Variants in RHOBTB1 observed in about 807,000 individuals in gnomAD.
RHOBTB1 encodes rho-related BTB domain-containing protein 1.
RHOBTB1 carries 40 observed loss-of-function variants against 71.6 expected under a neutral mutation model. The observed-to-expected ratio is 0.56, with a 90% CI of 0.43 to 0.73. The LOEUF (loss-of-function observed/expected upper bound fraction) is 0.73, where lower values mean the gene tolerates loss of function less well. RHOBTB1 is among the 30% of genes least tolerant of loss of function. RHOBTB1 has a pLI of 0.00. For synonymous variants in RHOBTB1, 319 were observed against 334.9 expected, an observed-to-expected ratio of 0.95 and a Z score of 0.52; for missense variants, 797 against 894.0, an observed-to-expected ratio of 0.89 and a Z score of 1.38.
At chr10:60,921,842 C>T (rs1225869151) in intron 2 of RHOBTB1, among the ~76,000 whole-genome samples, 2 of 152,128 alleles carry the variant, frequency 1.3e-5, no homozygotes, top group Admixed American at 6.5e-5. Flanking sequence ...TGTGGCCCAT[C>T]ACAAGAGCAG....
intron 7 of RHOBTB1, among the ~76,000 whole-genome samples, chr10:60,879,147 A>G (rs2132346987): frequency 6.6e-6 from 1 of 152,304 alleles, no homozygotes; most frequent in South Asian, 2.1e-4. Context: ...TCACAGAGCT[A>G]GGAAGTAGTG....
At chr10:60,899,466 T>C (rs1458101399) in intron 4 of RHOBTB1, among the ~76,000 whole-genome samples, 3 of 152,204 alleles carry the variant, frequency 2.0e-5, no homozygotes, top group South Asian at 4.1e-4. Flanking sequence ...GCTACCGCGC[T>C]ACATGGGAGG....
chr10:60,926,996 A>T (rs1371499046), intron 2 of RHOBTB1, among the ~76,000 whole-genome samples: 1 of 152,234 alleles, frequency 6.6e-6, no homozygotes, highest in Admixed American at 6.5e-5. Context: ...CCCACAAAAA[A>T]CTATCAGAAC....
At chr10:60,925,220 T>G (rs539294895) in intron 2 of RHOBTB1, among the ~76,000 whole-genome samples, 1 of 152,344 alleles carries the variant, frequency 6.6e-6, no homozygotes, top group South Asian at 2.1e-4. Context: ...CCATGCTTCA[T>G]GTAAAGACTG....
At chr10:60,904,012 T>C (rs1302442047) in intron 4 of RHOBTB1, among the ~76,000 whole-genome samples, 1 of 152,048 alleles carries the variant, frequency 6.6e-6, no homozygotes, top group East Asian at 1.9e-4. Context: ...TCCCAGGCTA[T>C]AGTACAGTTG....
intron 8 of RHOBTB1, among the ~76,000 whole-genome samples, chr10:60,875,328 G>A (rs2081001893): frequency 6.6e-6 from 1 of 152,098 alleles, no homozygotes; most frequent in Admixed American, 6.6e-5. Context: ...ATAACTCCTG[G>A]CCACACGAGA....
the RHOBTB1 span, among the ~76,000 whole-genome samples, chr10:60,862,648 C>T: frequency 6.8e-6 from 1 of 147,292 alleles, no homozygotes; most frequent in East Asian, 2.0e-4. Context: ...TCCTTTCTCC[C>T]TTTCTTTTTT....
intron 8 of RHOBTB1, 130 bp downstream of exon 8, chr10:60,877,778 C>A (rs2081113522): frequency 1.0e-5 from 9 of 861,288 alleles, no homozygotes; most frequent in African/African-American, 1.7e-5. Context: ...TAATTCATAT[C>A]ATTCTACACA....
At chr10:60,941,346 T>A (rs868448584) in intron 2 of RHOBTB1, among the ~76,000 whole-genome samples, 1 of 152,154 alleles carries the variant, frequency 6.6e-6, no homozygotes, top group East Asian at 1.9e-4. Context: ...CCCAGAGATT[T>A]TTTTTTTCTT....
chr10:60,909,444 G>C (rs962488325), intron 4 of RHOBTB1, among the ~76,000 whole-genome samples: 9 of 151,884 alleles, frequency 5.9e-5, no homozygotes, highest in Non-Finnish European at 1.2e-4. Context: ...CTCATCATCA[G>C]GCTCATCATT....
At chr10:60,944,752 A>AG (rs759949096), upstream of RHOBTB1, among the ~76,000 whole-genome samples, 1 of 152,186 alleles carries the variant, frequency 6.6e-6, no homozygotes, top group Non-Finnish European at 1.5e-5. Flanking sequence ...CTGCTGACTA[A>AG]GGGCTGCATT....
At chr10:60,911,646 G>T (rs1016656874) in intron 2 of RHOBTB1, 94 bp from the exon 3 acceptor site, 4 of 991,472 alleles carry the variant, frequency 4.0e-6, no homozygotes, top group Non-Finnish European at 6.2e-6. Context: ...CCTTCGTCCA[G>T]CCACTTCCTT....
intron 7 of RHOBTB1, among the ~76,000 whole-genome samples, chr10:60,885,389 C>T (rs898564533): frequency 6.6e-6 from 1 of 152,204 alleles, no homozygotes; most frequent in Non-Finnish European, 1.5e-5. Context: ...GCATATGTCT[C>T]TTCTAGAGAT....
chr10:60,881,101 T>C (rs575478014), intron 7 of RHOBTB1, among the ~76,000 whole-genome samples: 1 of 152,294 alleles, frequency 6.6e-6, no homozygotes, highest in South Asian at 2.1e-4. Flanking sequence ...ATAAGTCTCA[T>C]GAGATCTGAT....
intron 10 of RHOBTB1, 22 bp downstream of exon 10, chr10:60,872,163 T>C (rs1302739738): frequency 1.3e-6 from 2 of 1,523,368 alleles, no homozygotes; most frequent in Middle Eastern, 1.7e-4. Flanking sequence ...GCTGGATGAA[T>C]GGGGGCCTCA....
Position 60,903,076 on chromosome 10 carries a change from G to C in RHOBTB1, c.296+7811C>G, listed in dbSNP as rs544640109. The stretch of plus-strand genomic sequence containing the variant: ...GCTGTCCTATGGGAACATACGGAGA[G>C]ACACCTCACCTGGATTCCGAAGGTG... On this transcript the variant is annotated intron_variant, in intron 4 of 10. Transcript: ENST00000337910. Among the ~76,000 whole-genome samples the C allele has an allele frequency of 1.1e-4, 17 of 152,324 alleles. No individual in the cohort carries two copies. In the South Asian group the frequency reaches 3.5e-3, roughly 32 times the overall value.
intron 2 of RHOBTB1, among the ~76,000 whole-genome samples, chr10:60,922,071 C>T (rs1421080111): frequency 6.6e-6 from 1 of 151,984 alleles, no homozygotes; most frequent in South Asian, 2.1e-4. Flanking sequence ...TTTCTAGAGC[C>T]GATTTATAAA....
intron 1 of RHOBTB1, among the ~76,000 whole-genome samples, chr10:60,987,701 C>T (rs1295388714): frequency 2.0e-5 from 3 of 152,104 alleles, no homozygotes; most frequent in Non-Finnish European, 4.4e-5. Flanking sequence ...TTGAAAACTT[C>T]TAACAGCTCT....
At chr10:60,868,209 A>G (rs895302079), downstream of RHOBTB1, among the ~76,000 whole-genome samples, 3 of 152,192 alleles carry the variant, frequency 2.0e-5, no homozygotes, top group African/African-American at 7.2e-5. Flanking sequence ...TCTAGAAAAG[A>G]GAAATTATTG....
Sources: allele counts gnomAD v4.1 joint callset (sites outside exome capture counted in the v4.1 genomes callset), GRCh38; gene constraint gnomAD v4.1.1; transcripts MANE v1.5; gene names NCBI Gene and HGNC (gene_info 2026-07-23, HGNC 2026-07-21).